The following ATP2C1 variants were observed in gnomAD, a reference collection of about 807,000 sequenced individuals.
ATP2C1 encodes the protein calcium-transporting ATPase type 2C member 1.
A neutral mutation model predicts 120.5 loss-of-function variants in ATP2C1; 31 were observed. The observed-to-expected ratio is 0.26, with a 90% CI of 0.19 to 0.35. ATP2C1 has a LOEUF of 0.35. Ranked by LOEUF, ATP2C1 falls within the 10% of genes least tolerant of loss-of-function variation. The pLI is 1.00. For synonymous variants in ATP2C1, 351 were observed against 358.7 expected (o/e 0.98, Z 0.24); for missense variants, 731 against 1,107.5 (o/e 0.66, Z 4.83).
intron 2 of ATP2C1, among the ~76,000 whole-genome samples, chr3:130,896,506 G>A (rs955726722): frequency 6.6e-6 from 1 of 152,096 alleles, no homozygotes; most frequent in Non-Finnish European, 1.5e-5. Context: ...ACAGTTTGAA[G>A]AAGAGCCTGT....
chr3:130,907,934 C>T (rs1416305822), intron 2 of ATP2C1, among the ~76,000 whole-genome samples: 1 of 151,852 alleles, frequency 6.6e-6, no homozygotes, highest in Non-Finnish European at 1.5e-5. Context: ...TGGGTGTGAC[C>T]TTATTCTAGG....
intron 2 of ATP2C1, among the ~76,000 whole-genome samples, chr3:130,896,815 AC>A (rs777988188): frequency 2.6e-5 from 4 of 152,268 alleles, no homozygotes; most frequent in Middle Eastern, 3.4e-3. Context: ...TAAATGAGAA[AC>A]CCTGTATAAA....
intron 2 of ATP2C1, among the ~76,000 whole-genome samples, chr3:130,929,000 G>A (rs2059336489): frequency 6.6e-6 from 1 of 152,052 alleles, no homozygotes; most frequent in Admixed American, 6.5e-5. Flanking sequence ...TGAAATAAGG[G>A]CATTTCAGTG....
intron 1 of ATP2C1, among the ~76,000 whole-genome samples, chr3:130,858,268 A>C (rs1205366950): frequency 2.6e-5 from 4 of 152,072 alleles, no homozygotes; most frequent in African/African-American, 7.2e-5. Context: ...CCTTCAATCC[A>C]ATCAAGTTGA....
chr3:130,921,676 A>C (rs2058973928), intron 2 of ATP2C1, among the ~76,000 whole-genome samples: 1 of 152,132 alleles, frequency 6.6e-6, no homozygotes, highest in Non-Finnish European at 1.5e-5. Flanking sequence ...GATTTTTGTC[A>C]GATGCTTTTT....
intron 4 of ATP2C1, 114 bp from the exon 5 acceptor site, chr3:130,934,508 T>C (rs907776593): frequency 1.7e-5 from 12 of 712,548 alleles, no homozygotes; most frequent in Non-Finnish European, 3.0e-5. Context: ...AAACTGAGTA[T>C]AGACTTTTGT....
At chr3:130,878,917 A>G (rs1032045881) in intron 1 of ATP2C1, among the ~76,000 whole-genome samples, 23 of 152,298 alleles carry the variant, frequency 1.5e-4, no homozygotes, top group African/African-American at 5.5e-4. Context: ...GGATGTCTAT[A>G]TCACTCCTAA....
intron 1 of ATP2C1, among the ~76,000 whole-genome samples, chr3:130,877,484 G>A (rs1475845093): frequency 6.6e-6 from 1 of 152,172 alleles, no homozygotes; most frequent in African/African-American, 2.4e-5. Flanking sequence ...CAAAGGATAT[G>A]AACAGACACT....
intron 2 of ATP2C1, among the ~76,000 whole-genome samples, chr3:130,912,833 G>A (rs183423965): frequency 1.1e-4 from 17 of 152,150 alleles, no homozygotes; most frequent in African/African-American, 3.1e-4. Context: ...ATTCACAATA[G>A]CAAAAACTTG....
chr3:130,939,298 T>C (rs2059797500), intron 6 of ATP2C1, among the ~76,000 whole-genome samples: 2 of 152,226 alleles, frequency 1.3e-5, no homozygotes, highest in African/African-American at 4.8e-5. Context: ...AGAGGGCTTT[T>C]TATATTCCTT....
At chr3:130,998,524 CT>C in intron 26 of ATP2C1, 135 bp downstream of exon 26, 2 of 711,394 alleles carry the variant, frequency 2.8e-6, no homozygotes, top group South Asian at 3.0e-5. Context: ...CAGACACAGC[CT>C]TCTTATAAAC....
Position 130,998,279 on chromosome 3 carries a change from A to C in ATP2C1, c.2392-15A>C, listed in dbSNP as rs1380888649. On this transcript the variant is annotated splice_polypyrimidine_tract_variant and intron_variant, in intron 25 of 27. Transcript: ENST00000510168. ...TCAGCCACTGAAAAGTAATTTTGTT[A>C]TTGCCTCTTGACAGCTACGAGACAA... 1 of 1,559,226 alleles carries C rather than the reference A, an allele frequency of 6.4e-7. No homozygotes were observed. Among genetic ancestry groups the C allele is most frequent in the East Asian group, 2.2e-5 (1 of 44,586 alleles).
intron 26 of ATP2C1, among the ~76,000 whole-genome samples, chr3:131,012,489 C>T (rs1560050457): frequency 6.6e-6 from 1 of 151,996 alleles, no homozygotes; most frequent in East Asian, 1.9e-4. Context: ...AACTCCTGAC[C>T]TCAAATGATC....
chr3:130,878,317 G>A (rs1443804277), intron 1 of ATP2C1, among the ~76,000 whole-genome samples: 1 of 152,030 alleles, frequency 6.6e-6, no homozygotes, highest in African/African-American at 2.4e-5. Flanking sequence ...TAGCCCTAAG[G>A]TTGCTATTAA....
At chr3:131,005,148 C>G (rs2063058326), downstream of ATP2C1, among the ~76,000 whole-genome samples, 1 of 134,670 alleles carries the variant, frequency 7.4e-6, no homozygotes, top group South Asian at 2.5e-4. Context: ...CAGGGTCTCA[C>G]TCTGTCCCCC....
intron 1 of ATP2C1, among the ~76,000 whole-genome samples, chr3:130,867,849 C>G (rs1193552633): frequency 6.9e-6 from 1 of 144,734 alleles, no homozygotes; most frequent in African/African-American, 2.6e-5. Context: ...AAGCGAGGAG[C>G]GCCTCTTCCC....
chr3:130,887,032 T>C (rs1218875821), intron 1 of ATP2C1, among the ~76,000 whole-genome samples: 2 of 152,232 alleles, frequency 1.3e-5, no homozygotes, highest in Non-Finnish European at 2.9e-5. Flanking sequence ...AAGCCATAGC[T>C]GCGTGAGGGG....
At chr3:130,984,392 G>A (rs556461516) in intron 20 of ATP2C1, among the ~76,000 whole-genome samples, 6 of 152,214 alleles carry the variant, frequency 3.9e-5, no homozygotes, top group South Asian at 4.1e-4. Flanking sequence ...TTGTAAGGCC[G>A]TTAACATATA....
intron 3 of ATP2C1, 148 bp from the exon 4 acceptor site, chr3:130,931,874 G>C: frequency 1.6e-6 from 1 of 634,414 alleles, no homozygotes; most frequent in Non-Finnish European, 2.8e-6. Flanking sequence ...CTGGTCCCAG[G>C]CAACCACTGA....
Sources: gnomAD v4.1 joint callset for allele counts (sites outside exome capture counted in the v4.1 genomes callset) on GRCh38, gnomAD v4.1.1 for gene constraint, MANE v1.5 for transcripts, NCBI Gene and HGNC (gene_info 2026-07-23, HGNC 2026-07-21) for gene names.